Variants in KCNIP4 observed in about 807,000 individuals in gnomAD.
KCNIP4 encodes Kv channel-interacting protein 4.
Under a neutral mutation model 34.0 loss-of-function variants are expected in KCNIP4, and 12 were observed. That is an observed-to-expected ratio of 0.35 (90% confidence interval 0.23 to 0.57). KCNIP4 has a LOEUF of 0.57. Ranked by LOEUF, KCNIP4 falls within the 20% of genes least tolerant of loss-of-function variation. KCNIP4 has a pLI of 0.83. For missense variants in KCNIP4, 238 were observed against 311.7 expected (o/e 0.76, Z 1.78); for synonymous variants, 124 against 102.2 (o/e 1.21, Z -1.29).
chr4:21,020,048 C>T (rs1309811247), intron 1 of KCNIP4, among the ~76,000 whole-genome samples: 2 of 152,070 alleles, frequency 1.3e-5, no homozygotes, highest in Admixed American at 6.6e-5. Flanking sequence ...AATAGAAATG[C>T]CTTTAAATAA....
chr4:20,980,182 T>A (rs943023788), intron 1 of KCNIP4, among the ~76,000 whole-genome samples: 1 of 152,250 alleles, frequency 6.6e-6, no homozygotes, highest in Non-Finnish European at 1.5e-5. Context: ...GTTTAGTAAG[T>A]AGTCTCCTTT....
chr4:21,082,579 G>C (rs1023523880), intron 1 of KCNIP4, among the ~76,000 whole-genome samples: 1 of 151,532 alleles, frequency 6.6e-6, no homozygotes, highest in African/African-American at 2.4e-5. Flanking sequence ...CCACTCTATT[G>C]GATGCCACTG....
At chr4:21,294,990 G>A (rs2109221650) in intron 1 of KCNIP4, among the ~76,000 whole-genome samples, 1 of 152,066 alleles carries the variant, frequency 6.6e-6, no homozygotes, top group East Asian at 1.9e-4. Flanking sequence ...TTCTCACTAT[G>A]GCAAGTGTTC....
At chr4:21,586,435 C>G (rs1055558923) in intron 1 of KCNIP4, among the ~76,000 whole-genome samples, 6 of 152,140 alleles carry the variant, frequency 3.9e-5, no homozygotes, top group African/African-American at 9.6e-5. Context: ...TTGCCTCCCC[C>G]AGTGTCTCCC....
At chr4:21,367,805 G>A (rs1370178671) in intron 1 of KCNIP4, among the ~76,000 whole-genome samples, 1 of 147,506 alleles carries the variant, frequency 6.8e-6, no homozygotes, top group Non-Finnish European at 1.5e-5. Flanking sequence ...CAAAGGCAAA[G>A]TTGTCACTAG....
chr4:21,755,740 A>G (rs1717464979), intron 1 of KCNIP4, among the ~76,000 whole-genome samples: 1 of 152,334 alleles, frequency 6.6e-6, no homozygotes, highest in East Asian at 1.9e-4. Flanking sequence ...ATCTTTAATA[A>G]AAGTATTGGT....
At chr4:21,460,799 T>C (rs1371485245) in intron 1 of KCNIP4, among the ~76,000 whole-genome samples, 1 of 152,076 alleles carries the variant, frequency 6.6e-6, no homozygotes, top group Non-Finnish European at 1.5e-5. Flanking sequence ...GGGGGAGGTC[T>C]GGGCAGATAA....
At chr4:21,651,137 TGA>T (rs1426549456) in intron 1 of KCNIP4, among the ~76,000 whole-genome samples, 4 of 152,184 alleles carry the variant, frequency 2.6e-5, no homozygotes, top group African/African-American at 9.7e-5. Flanking sequence ...AATCTAATTA[TGA>T]GAGTGGTATT....
chr4:21,535,356 G>C (rs1241571555), intron 1 of KCNIP4, among the ~76,000 whole-genome samples: 1 of 152,164 alleles, frequency 6.6e-6, no homozygotes, highest in Non-Finnish European at 1.5e-5. Context: ...TTCGACATAT[G>C]TTTTCAATGA....
At chr4:20,957,443 G>A (rs535813031) in intron 1 of KCNIP4, among the ~76,000 whole-genome samples, 50 of 152,054 alleles carry the variant, frequency 3.3e-4, no homozygotes, top group Admixed American at 6.6e-4. Flanking sequence ...TGAGTAAAGG[G>A]TCCAAGACAT....
At chr4:21,753,326 A>G (rs1022409357) in intron 1 of KCNIP4, among the ~76,000 whole-genome samples, 1 of 152,070 alleles carries the variant, frequency 6.6e-6, no homozygotes, top group Non-Finnish European at 1.5e-5. Context: ...CTCTGGGTGC[A>G]CTAAGTGCTG....
intron 1 of KCNIP4, among the ~76,000 whole-genome samples, chr4:21,551,269 A>G (rs192542531): frequency 1.3e-5 from 2 of 152,296 alleles, no homozygotes; most frequent in East Asian, 1.9e-4. Flanking sequence ...TAGATTATTC[A>G]AAAGGAATAC....
intron 1 of KCNIP4, among the ~76,000 whole-genome samples, chr4:21,559,524 A>G (rs1739350808): frequency 6.6e-6 from 1 of 152,092 alleles, no homozygotes. Context: ...TTCGGAGTAT[A>G]CAGAAGGACA....
At chr4:21,598,024 T>G (rs1402988630) in intron 1 of KCNIP4, among the ~76,000 whole-genome samples, 1 of 152,128 alleles carries the variant, frequency 6.6e-6, no homozygotes, top group Non-Finnish European at 1.5e-5. Flanking sequence ...ATTATTTCGG[T>G]ACGTCTGAAA....
At chr4:20,858,767 G>C (rs1721892482) in intron 2 of KCNIP4, among the ~76,000 whole-genome samples, 1 of 152,182 alleles carries the variant, frequency 6.6e-6, no homozygotes, top group Non-Finnish European at 1.5e-5. Context: ...TTTGCTCTAA[G>C]CGTGGTTGTA....
intron 1 of KCNIP4, among the ~76,000 whole-genome samples, chr4:21,437,878 CAAGTGT>C (rs1285725310): frequency 1.7e-5 from 2 of 115,376 alleles, no homozygotes; most frequent in Non-Finnish European, 3.5e-5. Flanking sequence ...TTTTATTTTA[CAAGTGT>C]GTGTGTGTGT....
rs1236652307 is a variant in KCNIP4, at chr4:21,370,721, C to T, written c.62-488012G>A. 1.5e-5 allele frequency among the ~76,000 whole-genome samples: 2 copies of T among 132,172 alleles called. 1 individual carries two copies. The highest frequency in any genetic ancestry group is 7.0e-5 in the African/African-American group (2 of 28,650). 86.7% of individuals were successfully genotyped at this position (132,172 alleles called of 152,430 possible). ...ATCTAGCAGAAAAGCTTGCCAGGTA[C>T]AGGAGGTAGCATTTGCAAAGACCCA... On this transcript the variant is annotated intron_variant, in intron 1 of 8. Transcript: ENST00000382152.
chr4:20,967,828 TAGA>T (rs1269659605), intron 1 of KCNIP4, among the ~76,000 whole-genome samples: 2 of 152,106 alleles, frequency 1.3e-5, no homozygotes, highest in Admixed American at 1.3e-4. Context: ...GTAAAAAACC[TAGA>T]AGAAAACCTA....
At chr4:21,113,087 G>T (rs1749364761) in intron 1 of KCNIP4, among the ~76,000 whole-genome samples, 1 of 152,114 alleles carries the variant, frequency 6.6e-6, no homozygotes, top group South Asian at 2.1e-4. Flanking sequence ...TTCCTATTCT[G>T]CTGAGTCCAA....
Sources: allele counts gnomAD v4.1 joint callset (sites outside exome capture counted in the v4.1 genomes callset), GRCh38; gene constraint gnomAD v4.1.1; transcripts MANE v1.5; gene names NCBI Gene and HGNC (gene_info 2026-07-23, HGNC 2026-07-21).